Variants in AKAP7 observed in about 807,000 individuals in gnomAD.
The protein encoded by AKAP7 is A-kinase anchoring protein 7, also known as A kinase (PRKA) anchor protein 7.
AKAP7 carries 39 observed loss-of-function variants against 39.5 expected under a neutral mutation model. The observed-to-expected ratio is 0.99, with a 90% CI of 0.76 to 1.29. The LOEUF (loss-of-function observed/expected upper bound fraction) is 1.29. Ranked by LOEUF, AKAP7 falls within the 50% of genes most tolerant of loss-of-function variation. The probability of loss-of-function intolerance (pLI) is 0.00; values close to 1 mark genes in which losing one functional copy is unlikely to be tolerated. For synonymous variants in AKAP7, 140 were observed against 139.1 expected, an observed-to-expected ratio of 1.01 and a Z score of -0.05; for missense variants, 414 against 407.7, an observed-to-expected ratio of 1.02 and a Z score of -0.13.
chr6:131,282,352 G>A lies in AKAP7; in HGVS notation c.*626G>A, dbSNP rs1336568873. 3 of 1,406,500 alleles carry A rather than the reference G, an allele frequency of 2.1e-6. No homozygotes were observed. Among genetic ancestry groups the A allele is most frequent in the Non-Finnish European group, 2.8e-6 (3 of 1,080,538 alleles). 87.1% of individuals were successfully genotyped at this position (1,406,500 alleles called of 1,614,324 possible). On this transcript the variant is annotated 3_prime_UTR_variant, in exon 8 of 8. Coordinates refer to ENST00000431975, the MANE Select transcript of AKAP7 (RefSeq NM_016377.4). ...TTTAAAATCCTATTTTGATAAGTCA[G>A]TATGCCATATTTAATGAAATGTTAT... is the stretch of plus-strand genomic sequence containing the variant.
upstream of AKAP7, among the ~76,000 whole-genome samples, chr6:131,131,896 G>T (rs930039313): frequency 6.6e-6 from 1 of 152,144 alleles, no homozygotes; most frequent in African/African-American, 2.4e-5. Context: ...ACTGCTAAAT[G>T]GTGCTGAGAA....
intron 5 of AKAP7, among the ~76,000 whole-genome samples, chr6:131,196,447 A>G (rs1806940152): frequency 1.3e-5 from 2 of 151,976 alleles, no homozygotes; most frequent in Non-Finnish European, 2.9e-5. Context: ...TATTTTTAAT[A>G]GAGACGAGGT....
At chr6:131,249,552 C>T (rs887989596) in intron 7 of AKAP7, among the ~76,000 whole-genome samples, 3 of 152,090 alleles carry the variant, frequency 2.0e-5, no homozygotes, top group African/African-American at 7.2e-5. Flanking sequence ...AAGAAAGAAT[C>T]AGGGTGGAAT....
chr6:131,231,590 C>G (rs1810625169), intron 7 of AKAP7, among the ~76,000 whole-genome samples: 1 of 152,042 alleles, frequency 6.6e-6, no homozygotes, highest in Non-Finnish European at 1.5e-5. Context: ...GAGCTGACTA[C>G]AAGGTATTTA....
intron 3 of AKAP7, 121 bp from the exon 4 acceptor site, chr6:131,164,960 C>G (rs1803338983): frequency 9.4e-6 from 7 of 741,852 alleles, no homozygotes; most frequent in Non-Finnish European, 1.1e-5. Flanking sequence ...GTTGAAGAAT[C>G]TTAACATTGT....
intron 5 of AKAP7, among the ~76,000 whole-genome samples, chr6:131,186,782 T>A (rs1805905632): frequency 6.7e-6 from 1 of 149,894 alleles, no homozygotes; most frequent in African/African-American, 2.4e-5. Context: ...AAATCTCTTT[T>A]AAGGACAGTA....
Position 131,165,216 on chromosome 6 carries a change from A to G in AKAP7, c.427A>G (p.Ile143Val). The G allele has an allele frequency of 6.3e-7, 1 of 1,597,020 alleles. No individual in the cohort carries two copies. The highest frequency in any genetic ancestry group is 8.5e-7 in the Non-Finnish European group (1 of 1,171,098). ...ATTATTAAATGAAGATGAAGTAAAC[A>G]TGTGAGTAATGTATCTTTCTTAAAT... ...MQLLNEDEVN[I>V]GIDALLELKP... The change falls in exon 4 of 8, where the codon ATT becomes GTT. Residue 143 changes from isoleucine to valine, a missense_variant and splice_region_variant. Coordinates refer to ENST00000431975, the MANE Select transcript of AKAP7 (RefSeq NM_016377.4).
chr6:131,252,954 C>A (rs35742185), intron 7 of AKAP7: 1 of 1,423,388 alleles, frequency 7.0e-7, no homozygotes. Context: ...GAATGTTCCT[C>A]CTTGAAGGTA....
At chr6:131,252,357 T>C (rs1270130905) in intron 7 of AKAP7, among the ~76,000 whole-genome samples, 1 of 152,132 alleles carries the variant, frequency 6.6e-6, no homozygotes, top group Non-Finnish European at 1.5e-5. Flanking sequence ...CCTGCCCCCA[T>C]TCACTCCTGA....
chr6:131,128,479 A>G, the AKAP7 span, among the ~76,000 whole-genome samples: 3 of 152,194 alleles, frequency 2.0e-5, no homozygotes. Context: ...GCTTGTAATA[A>G]TTTAGAATCT....
chr6:131,207,495 T>A, intron 6 of AKAP7, among the ~76,000 whole-genome samples: 1 of 130,634 alleles, frequency 7.7e-6, no homozygotes, highest in African/African-American at 3.1e-5. Context: ...ATTAAAATTT[T>A]TTTTTTTTTT....
At position 131,160,183 on chromosome 6, in the gene AKAP7, A is replaced by T; in HGVS notation, c.276A>T (p.Pro92=). ...DYQPNYFLSI[P]ITNKEIIKGI... ...AACCCAACTATTTCCTGTCCATTCC[A>T]ATCACCAACAAAGAGGTGCTATTTT... Residue 92 remains proline, a synonymous_variant, in exon 3 of 8, where the codon CCA becomes CCT. Transcript: ENST00000431975. The T allele has an allele frequency of 5.0e-6, 8 of 1,600,484 alleles. No individual in the cohort carries two copies. In the South Asian group the frequency reaches 8.0e-5, roughly 16 times the overall value.
chr6:131,149,566 C>T lies in AKAP7; in HGVS notation c.151+4150C>T, dbSNP rs552005771. Among the ~76,000 whole-genome samples the T allele has an allele frequency of 5.3e-5, 8 of 152,272 alleles. No individual in the cohort carries two copies. The South Asian group carries it at 1.7e-3, about 32-fold the overall frequency. On this transcript the variant is annotated intron_variant, in intron 2 of 7. Coordinates refer to ENST00000431975, the MANE Select transcript of AKAP7 (RefSeq NM_016377.4). Reference sequence around the variant, plus strand: ...CGGAGGATTGCTTGAATCTGGTAGGCAGAGGTTGCAGTGAGCCGAGATTGC... The same window carrying T: ...CGGAGGATTGCTTGAATCTGGTAGGTAGAGGTTGCAGTGAGCCGAGATTGC...
chr6:131,252,974 A>G lies in AKAP7; in HGVS notation c.851-28556A>G. 12 of 1,548,848 alleles carry G rather than the reference A, an allele frequency of 7.7e-6. No individual in the cohort carries two copies. The South Asian group carries it at 1.3e-4, about 17-fold the overall frequency. ...TTCCTCCTTGAAGGTAGCCCAAATT[A>G]TGGAGAATTTGATGAGTTTTTGGTG... On this transcript the variant is annotated intron_variant, in intron 7 of 7. Transcript: ENST00000431975.
chr6:131,206,786 C>CATCTATCT lies in AKAP7; in HGVS notation c.702+7230_702+7237dup, dbSNP rs148815359. ...CTGTCTGTCTGTCTGTCCATCCATC[C>CATCTATCT]ATCTATCTATCTATCTATCTATCTC... On this transcript the variant is annotated intron_variant, in intron 6 of 7. Transcript: ENST00000431975. Among the ~76,000 whole-genome samples, 141 of 151,314 alleles carry CATCTATCT rather than the reference C, an allele frequency of 9.3e-4. 1 individual carries two copies. The highest frequency in any genetic ancestry group is 6.8e-3 in the Middle Eastern group (2 of 292).
intron 1 of AKAP7, chr6:131,137,596 A>G (rs1030882575): frequency 6.6e-6 from 1 of 151,850 alleles, no homozygotes; most frequent in East Asian, 1.9e-4. Flanking sequence ...GTTAGTGAGG[A>G]TGGTCTCTAT....
At chr6:131,158,879 G>A (rs1181545971) in intron 2 of AKAP7, among the ~76,000 whole-genome samples, 1 of 150,162 alleles carries the variant, frequency 6.7e-6, no homozygotes, top group Admixed American at 6.6e-5. Flanking sequence ...ATGGATTGTA[G>A]TTTTGCGTGC....
At chr6:131,276,997 C>T (rs1638386958) in intron 7 of AKAP7, among the ~76,000 whole-genome samples, 1 of 152,090 alleles carries the variant, frequency 6.6e-6, no homozygotes, top group South Asian at 2.1e-4. Flanking sequence ...ATTTTTGCTA[C>T]CACAAAGGAG....
intron 7 of AKAP7, among the ~76,000 whole-genome samples, chr6:131,241,567 G>C (rs915801765): frequency 2.9e-5 from 4 of 135,648 alleles, no homozygotes; most frequent in Admixed American, 7.3e-5. Context: ...CCAGGACATA[G>C]ATTATATATA....
Sources: gnomAD v4.1 joint callset for allele counts (sites outside exome capture counted in the v4.1 genomes callset) on GRCh38, gnomAD v4.1.1 for gene constraint, MANE v1.5 for transcripts, NCBI Gene and HGNC (gene_info 2026-07-23, HGNC 2026-07-21) for gene names.